The following C8orf34 variants were observed in gnomAD, a reference collection of about 807,000 sequenced individuals.
C8orf34 encodes the protein chromosome 8 open reading frame 34, also known as uncharacterized protein C8orf34.
In C8orf34, 65 loss-of-function variants were observed where a neutral mutation model predicts 68.3. The ratio of observed to expected loss-of-function variants is 0.95; its 90% CI spans 0.78 to 1.17. C8orf34 has a LOEUF of 1.17. Among genes scored for constraint, C8orf34 ranks in the 50% most tolerant of loss-of-function variants. C8orf34 has a pLI of 0.00. For missense variants in C8orf34, 664 were observed against 655.4 expected (o/e 1.01, Z -0.14); for synonymous variants, 244 against 241.2 (o/e 1.01, Z -0.11).
intron 4 of C8orf34, among the ~76,000 whole-genome samples, chr8:68,487,031 C>T (rs372647408): frequency 3.9e-5 from 6 of 152,102 alleles, no homozygotes; most frequent in South Asian, 2.1e-4. Context: ...AAGAATAAAA[C>T]GCAGAGTGAG....
At chr8:68,439,732 CTAGATAGA>C (rs1283574926) in intron 2 of C8orf34, 86 bp downstream of exon 2, 1 of 1,322,398 alleles carries the variant, frequency 7.6e-7, no homozygotes, top group African/African-American at 1.5e-5. Flanking sequence ...TAAGATAAAT[CTAGATAGA>C]TAGTTACCAA....
chr8:68,416,734 T>A (rs1488513540), intron 1 of C8orf34, among the ~76,000 whole-genome samples: 2 of 152,024 alleles, frequency 1.3e-5, no homozygotes, highest in African/African-American at 4.8e-5. Flanking sequence ...TTTCACCATG[T>A]TGGCCAGGCT....
chr8:68,493,383 T>C (rs529408718), intron 5 of C8orf34, among the ~76,000 whole-genome samples: 7 of 152,192 alleles, frequency 4.6e-5, no homozygotes, highest in South Asian at 4.2e-4. Context: ...AGATGCTCCA[T>C]ATCACTAATC....
chr8:68,414,936 C>A lies in C8orf34; in HGVS notation c.328-24563C>A, dbSNP rs116135552. Among the ~76,000 whole-genome samples, 1,163 of 152,214 alleles carry A rather than the reference C, an allele frequency of 7.6e-3. 28 individuals carry two copies. The highest frequency in any genetic ancestry group is 0.027 in the African/African-American group (1,116 of 41,526). ...GTGATGTTCCTCATGGCATCACTGC[C>A]TGAGTTACAGCCAATGGCTCCAGCT... On this transcript the variant is annotated intron_variant, in intron 1 of 13. Transcript: ENST00000518698.
intron 8 of C8orf34, among the ~76,000 whole-genome samples, chr8:68,707,995 A>G (rs1821219791): frequency 2.0e-5 from 3 of 152,208 alleles, no homozygotes; most frequent in Admixed American, 2.0e-4. Context: ...ATATGTAGCT[A>G]ATTTATTTAA....
chr8:68,395,307 CCT>C (rs1318949779), intron 1 of C8orf34, among the ~76,000 whole-genome samples: 1 of 151,344 alleles, frequency 6.6e-6, no homozygotes, highest in Non-Finnish European at 1.5e-5. Context: ...TGTTTCCACC[CCT>C]CTCTGAATGC....
At chr8:68,455,070 C>T (rs889706564) in intron 3 of C8orf34, among the ~76,000 whole-genome samples, 2 of 151,432 alleles carry the variant, frequency 1.3e-5, no homozygotes, top group African/African-American at 4.9e-5. Context: ...TTTTCTTTTT[C>T]CTTTGACTTC....
At chr8:68,492,452 C>G (rs1813355351) in intron 5 of C8orf34, among the ~76,000 whole-genome samples, 1 of 152,006 alleles carries the variant, frequency 6.6e-6, no homozygotes. Flanking sequence ...TTGTCTCAAA[C>G]TCCCGGCCTT....
intron 8 of C8orf34, among the ~76,000 whole-genome samples, chr8:68,645,758 G>A (rs1819150831): frequency 6.6e-6 from 1 of 152,124 alleles, no homozygotes; most frequent in Non-Finnish European, 1.5e-5. Context: ...GCCCATCAAC[G>A]ACCTAGTTAA....
intron 7 of C8orf34, chr8:68,534,556 G>T (rs373088522): frequency 2.2e-6 from 2 of 896,006 alleles, no homozygotes; most frequent in African/African-American, 3.6e-5. Context: ...AGAGGTAAGG[G>T]ACAGTGACCC....
At chr8:68,543,969 T>C (rs1016972338) in intron 7 of C8orf34, among the ~76,000 whole-genome samples, 1 of 152,108 alleles carries the variant, frequency 6.6e-6, no homozygotes, top group Non-Finnish European at 1.5e-5. Flanking sequence ...GCTTTCCTCA[T>C]GGTGACACTC....
chr8:68,616,493 T>C (rs1428110468), intron 7 of C8orf34, among the ~76,000 whole-genome samples: 1 of 152,218 alleles, frequency 6.6e-6, no homozygotes, highest in Non-Finnish European at 1.5e-5. Context: ...TGTTGTGTCT[T>C]TGTCCTCATT....
intron 1 of C8orf34, among the ~76,000 whole-genome samples, chr8:68,403,565 T>A (rs1030143057): frequency 2.0e-5 from 3 of 151,794 alleles, no homozygotes; most frequent in African/African-American, 4.8e-5. Context: ...CCTTGGTGTG[T>A]GATGTTCCCT....
At chr8:68,710,939 G>A (rs527841104) in intron 9 of C8orf34, among the ~76,000 whole-genome samples, 11 of 152,246 alleles carry the variant, frequency 7.2e-5, no homozygotes, top group Admixed American at 2.0e-4. Flanking sequence ...CCTCCCCCGG[G>A]GAAGGTGCTG....
At chr8:68,748,846 A>T (rs1478203489) in intron 10 of C8orf34, among the ~76,000 whole-genome samples, 1 of 152,202 alleles carries the variant, frequency 6.6e-6, no homozygotes, top group Non-Finnish European at 1.5e-5. Flanking sequence ...TCAGGGATCT[A>T]GAACTAGAAA....
chr8:68,439,199 A>C (rs1298441028), intron 1 of C8orf34: 1 of 199,414 alleles, frequency 5.0e-6, no homozygotes, highest in Non-Finnish European at 1.0e-5. Context: ...ATTTTAAAGG[A>C]ATTTAGATTA....
intron 11 of C8orf34, among the ~76,000 whole-genome samples, chr8:68,780,229 G>A (rs1020587101): frequency 2.6e-5 from 4 of 152,160 alleles, no homozygotes; most frequent in Non-Finnish European, 5.9e-5. Context: ...AATAGCTGAA[G>A]TCAATGAAGT....
chr8:68,812,092 A>C (rs557304791), intron 12 of C8orf34, among the ~76,000 whole-genome samples: 3 of 152,348 alleles, frequency 2.0e-5, no homozygotes, highest in South Asian at 4.1e-4. Flanking sequence ...CATATAAAGA[A>C]ACTGAAGCAG....
intron 8 of C8orf34, among the ~76,000 whole-genome samples, chr8:68,701,513 AT>A (rs11291622): frequency 0.1 from 15,053 of 150,950 alleles, 813 homozygotes; most frequent in Middle Eastern, 0.15. Flanking sequence ...AAATATTCAC[AT>A]TTTTTTTTCC....
Sources: allele counts gnomAD v4.1 joint callset (sites outside exome capture counted in the v4.1 genomes callset), GRCh38; gene constraint gnomAD v4.1.1; transcripts MANE v1.5; gene names NCBI Gene and HGNC (gene_info 2026-07-23, HGNC 2026-07-21).